The following CATIP variants were observed in gnomAD, a reference collection of about 807,000 sequenced individuals.
The protein encoded by CATIP is ciliogenesis-associated TTC17-interacting protein.
Under a neutral mutation model 42.5 loss-of-function variants are expected in CATIP, and 40 were observed. That is an observed-to-expected ratio of 0.94 (90% confidence interval 0.73 to 1.22). The LOEUF is 1.22. Ranked by LOEUF, CATIP falls within the 50% of genes most tolerant of loss-of-function variation. The pLI is 0.00. For synonymous variants in CATIP, 222 were observed against 200.2 expected, an observed-to-expected ratio of 1.11 and a Z score of -0.92; for missense variants, 489 against 496.0, an observed-to-expected ratio of 0.99 and a Z score of 0.13.
intron 5 of CATIP, 110 bp from the exon 6 acceptor site, chr2:218,362,625 C>T (rs1177747312): frequency 1.8e-6 from 2 of 1,102,008 alleles, no homozygotes; most frequent in African/African-American, 3.2e-5. Flanking sequence ...AAAAGCGAAA[C>T]TCTGTCTCAA....
At position 218,359,668 on chromosome 2, in the gene CATIP, T is replaced by G. The variant is rs964202349; in HGVS notation, c.376-905T>G. Among the ~76,000 whole-genome samples the G allele has an allele frequency of 5.3e-5, 8 of 152,168 alleles. No individual in the cohort carries two copies. The East Asian group carries it at 5.8e-4, about 11-fold the overall frequency. ...CTTATCAGTGGCAACCTGCTGTCCC[T>G]GCACCTGGCCCACCCCCATCTTTTA... On this transcript the variant is annotated intron_variant, in intron 4 of 9. Coordinates refer to ENST00000289388, the MANE Select transcript of CATIP (RefSeq NM_198559.2).
chr2:218,362,630 T>A, intron 5 of CATIP, 105 bp from the exon 6 acceptor site: 1 of 1,151,096 alleles, frequency 8.7e-7, no homozygotes, highest in Non-Finnish European at 1.2e-6. Context: ...CGAAACTCTG[T>A]CTCAAAAAAA....
At chr2:218,363,257 G>T (rs1006349219) in intron 6 of CATIP, among the ~76,000 whole-genome samples, 14 of 151,674 alleles carry the variant, frequency 9.2e-5, no homozygotes, top group Admixed American at 6.6e-5. Flanking sequence ...AAGGCGGGCC[G>T]ATCACAAGGT....
chr2:218,360,880 G>A (rs1282828595), intron 5 of CATIP, among the ~76,000 whole-genome samples: 1 of 150,736 alleles, frequency 6.6e-6, no homozygotes, highest in African/African-American at 2.5e-5. Context: ...GCAGAGGCTG[G>A]AGTGCAATGA....
chr2:218,357,616 C>A lies in CATIP; in HGVS notation c.201C>A (p.Thr67=), dbSNP rs1335838890. 2 of 1,613,946 alleles carry A rather than the reference C, an allele frequency of 1.2e-6. No homozygotes were observed. The highest frequency in any genetic ancestry group is 1.3e-5 in the African/African-American group (1 of 74,884). ...SDTGEPQGEL[T]IEVQRGKYQE... ...CCGGGGAGCCTCAGGGAGAGCTGAC[C>A]ATTGAGGTGCAGAGAGGGAAATACC... The change falls in exon 3 of 10, where the codon ACC becomes ACA. Residue 67 remains threonine, a synonymous_variant. Coordinates refer to ENST00000289388, the MANE Select transcript of CATIP (RefSeq NM_198559.2).
chr2:218,367,078 G>C lies in CATIP; in HGVS notation c.810G>C (p.Lys270Asn), dbSNP rs758872398. ...VGSPGCCIIT[K>N]MPILREEDEI... is the part of the protein sequence containing the mutation. ...CCCCAGGGTGCTGCATCATCACCAA[G>C]ATGCCCATCTTGAGGGAAGAGGGTG... The change falls in exon 8 of 10, where the codon AAG (lysine) becomes AAC (asparagine). Residue 270 changes from lysine to asparagine, a missense_variant. Transcript: ENST00000289388. 6.2e-7 allele frequency: 1 copy of C among 1,613,842 alleles called. No homozygotes were observed. The highest frequency in any genetic ancestry group is 8.5e-7 in the Non-Finnish European group (1 of 1,179,750).
At chr2:218,358,648 G>A (rs1046721979) in intron 4 of CATIP, among the ~76,000 whole-genome samples, 2 of 152,052 alleles carry the variant, frequency 1.3e-5, no homozygotes, top group African/African-American at 4.8e-5. Flanking sequence ...AAAGTGGGAG[G>A]ATCCCTTGAG....
chr2:218,360,726 A>G, intron 5 of CATIP, 67 bp downstream of exon 5: 1 of 1,217,968 alleles, frequency 8.2e-7, no homozygotes, highest in Non-Finnish European at 1.2e-6. Flanking sequence ...AGACAGGTCC[A>G]GATCAATTTA....
rs548681879 is a variant in CATIP, at chr2:218,367,359, T to C, written c.833-71T>C. 5.0e-6 allele frequency: 7 copies of C among 1,407,260 alleles called. No individual in the cohort carries two copies. In the African/African-American group the frequency reaches 9.9e-5, roughly 20 times the overall value. 87.2% of individuals were successfully genotyped at this position (1,407,260 alleles called of 1,614,324 possible). ...ACCTGAGCCTTCTGTTTGGGTGTTC[T>C]CGGGATCTCGCTGTGTATCCAAGGA... On this transcript the variant is annotated intron_variant, in intron 8 of 9. Transcript: ENST00000289388.
chr2:218,358,942 C>T (rs147567118), intron 4 of CATIP, among the ~76,000 whole-genome samples: 3,496 of 151,106 alleles, frequency 0.023, 54 homozygotes, highest in Non-Finnish European at 0.034. Flanking sequence ...CGGTGGCTCA[C>T]GCCTGTAATC....
chr2:218,367,388 T>C (rs1279861259), intron 8 of CATIP, 42 bp from the exon 9 acceptor site: 2 of 1,565,994 alleles, frequency 1.3e-6, no homozygotes, highest in Admixed American at 1.7e-5. Context: ...CCAAGGAAGG[T>C]TCCGGGGTAG....
In CATIP at chr2:218,367,892, G is replaced by A; in HGVS notation, c.1092G>A (p.Leu364=). 1.2e-6 allele frequency: 2 copies of A among 1,612,500 alleles called. No individual in the cohort carries two copies. Among genetic ancestry groups the A allele is most frequent in the South Asian group, 1.1e-5 (1 of 91,048 alleles). The change falls in exon 10 of 10, where the codon TTG becomes TTA. Residue 364 remains leucine (L), a synonymous_variant. Coordinates refer to ENST00000289388, the MANE Select transcript of CATIP (RefSeq NM_198559.2). ...CGTGGCGTCCGTCGTCACCGGCCTTGGGCTCCTCCCACCGGCCCAACCCTT... is the reference window on the plus strand; with the variant it reads ...CGTGGCGTCCGTCGTCACCGGCCTTAGGCTCCTCCCACCGGCCCAACCCTT... ...FDPWRPSSPA[L]GSSHRPNPFR... is the part of the protein sequence containing the mutation.
At chr2:218,360,875 G>T (rs1695210324) in intron 5 of CATIP, among the ~76,000 whole-genome samples, 1 of 149,812 alleles carries the variant, frequency 6.7e-6, no homozygotes, top group African/African-American at 2.5e-5. Context: ...TTGTTGCAGA[G>T]GCTGGAGTGC....
chr2:218,362,396 T>C (rs1574739472), intron 5 of CATIP, among the ~76,000 whole-genome samples: 1 of 150,340 alleles, frequency 6.7e-6, no homozygotes, highest in Non-Finnish European at 1.5e-5. Flanking sequence ...TCCCAACACT[T>C]TGGGAGGCAG....
At chr2:218,361,444 A>T (rs1695232094) in intron 5 of CATIP, among the ~76,000 whole-genome samples, 1 of 152,218 alleles carries the variant, frequency 6.6e-6, no homozygotes, top group South Asian at 2.1e-4. Context: ...GGGGGCTTCC[A>T]AGTCATAGGT....
chr2:218,358,502 C>T (rs746256835), intron 4 of CATIP, among the ~76,000 whole-genome samples: 1 of 151,760 alleles, frequency 6.6e-6, no homozygotes, highest in Non-Finnish European at 1.5e-5. Flanking sequence ...CAGAGATTGC[C>T]GTGAGCCGAG....
Position 218,360,595 on chromosome 2 carries a change from G to A in CATIP, c.398G>A (p.Arg133Gln), listed in dbSNP as rs188643099. The change falls in exon 5 of 10, where the codon CGG (arginine) becomes CAG (glutamine). Residue 133 changes from arginine (R) to glutamine (Q), a missense_variant. Coordinates refer to ENST00000289388, the MANE Select transcript of CATIP (RefSeq NM_198559.2). Reference protein sequence around the residue: ...FIKFLILPMERKMSLLKQDDQ... With the variant: ...FIKFLILPMEQKMSLLKQDDQ... Reference sequence around the variant, plus strand: ...CAGTTCCTCATCCTCCCCATGGAACGGAAGATGAGTTTGCTGAAGCAGGAT... The same window carrying A: ...CAGTTCCTCATCCTCCCCATGGAACAGAAGATGAGTTTGCTGAAGCAGGAT... 2.2e-5 allele frequency: 35 copies of A among 1,613,888 alleles called. No homozygotes were observed. The highest frequency in any genetic ancestry group is 1.7e-4 in the Middle Eastern group (1 of 5,916).
intron 6 of CATIP, among the ~76,000 whole-genome samples, chr2:218,363,131 TC>T (rs1485749465): frequency 6.6e-6 from 1 of 152,070 alleles, no homozygotes; most frequent in Non-Finnish European, 1.5e-5. Context: ...AAGCAACCCT[TC>T]CGCACAGAAG....
At chr2:218,363,411 G>A (rs532367057) in intron 6 of CATIP, among the ~76,000 whole-genome samples, 10 of 151,362 alleles carry the variant, frequency 6.6e-5, no homozygotes, top group Non-Finnish European at 1.2e-4. Context: ...GCGTGAACCC[G>A]GGAGGCAGAG....
Sources: gnomAD v4.1 joint callset for allele counts (sites outside exome capture counted in the v4.1 genomes callset) on GRCh38, gnomAD v4.1.1 for gene constraint, MANE v1.5 for transcripts, NCBI Gene and HGNC (gene_info 2026-07-23, HGNC 2026-07-21) for gene names.